GALNT18: variants seen among roughly 807,000 people sequenced by gnomAD.
The protein encoded by GALNT18 is polypeptide N-acetylgalactosaminyltransferase 18, also known as GalNAc-transferase 18.
GALNT18 carries 44 observed loss-of-function variants against 69.5 expected under a neutral mutation model. The observed-to-expected ratio is 0.63, with a 90% CI of 0.50 to 0.81. GALNT18 has a LOEUF of 0.81. Ranked by LOEUF, GALNT18 falls within the 40% of genes least tolerant of loss-of-function variation. GALNT18 has a pLI of 0.00. For synonymous variants in GALNT18, 364 were observed against 318.2 expected (o/e 1.14, Z -1.53); for missense variants, 715 against 810.0 (o/e 0.88, Z 1.42).
chr11:11,474,219 AGGAAGGAC>A (rs1856338298), intron 1 of GALNT18, among the ~76,000 whole-genome samples: 1 of 152,254 alleles, frequency 6.6e-6, no homozygotes, highest in South Asian at 2.1e-4. Context: ...CACAGGTCAT[AGGAAGGAC>A]CCATTTGAAG....
intron 1 of GALNT18, among the ~76,000 whole-genome samples, chr11:11,544,019 C>T (rs1006733690): frequency 2.6e-5 from 4 of 152,244 alleles, no homozygotes; most frequent in Admixed American, 2.0e-4. Context: ...TGCAATAGTG[C>T]GCACAAGGCT....
At position 11,454,167 on chromosome 11, in the gene GALNT18, G is replaced by A. The variant is rs1408652817; in HGVS notation, c.236-5231C>T. Reference sequence around the variant, plus strand: ...GGGGGCTGCAGTCCTGTGCCAGCAGGTAGGAGCACAAAGCCAGTGAAGGCA... The same window carrying A: ...GGGGGCTGCAGTCCTGTGCCAGCAGATAGGAGCACAAAGCCAGTGAAGGCA... On this transcript the variant is annotated intron_variant, in intron 1 of 10. Coordinates refer to ENST00000227756, the MANE Select transcript of GALNT18 (RefSeq NM_198516.3). This position sits in a 1 kb window ranked among gnomAD's most constrained non-coding sequence, Gnocchi z 4.2. Among the ~76,000 whole-genome samples, 3 of 152,214 alleles carry A rather than the reference G, an allele frequency of 2.0e-5. No homozygotes were observed. The highest frequency in any genetic ancestry group is 4.4e-5 in the Non-Finnish European group (3 of 68,036).
intron 1 of GALNT18, among the ~76,000 whole-genome samples, chr11:11,615,701 T>A (rs1434819977): frequency 6.6e-6 from 1 of 152,202 alleles, no homozygotes; most frequent in Non-Finnish European, 1.5e-5. Context: ...AAATATTTTA[T>A]AGAATGCCAA....
chr11:11,552,411 A>T (rs1858218994), intron 1 of GALNT18, among the ~76,000 whole-genome samples: 1 of 152,238 alleles, frequency 6.6e-6, no homozygotes, highest in South Asian at 2.1e-4. Context: ...CAAAAAGACC[A>T]AGAGCTTCTG....
At chr11:11,321,698 G>T (rs1371572458) in intron 9 of GALNT18, among the ~76,000 whole-genome samples, 2 of 152,206 alleles carry the variant, frequency 1.3e-5, no homozygotes, top group East Asian at 3.8e-4. Context: ...TGCCTCCCAG[G>T]TTCAAGTGAT....
In GALNT18 at chr11:11,562,503, C is replaced by T. The variant is rs191873227; in HGVS notation, c.235+58856G>A. Among the ~76,000 whole-genome samples, 2 of 152,206 alleles carry T rather than the reference C, an allele frequency of 1.3e-5. No homozygotes were observed. The highest frequency in any genetic ancestry group is 3.9e-4 in the East Asian group (2 of 5,190). ...GGGAGACATGATTCAACCCATAATA[C>T]TCCCCTAGACCCTGGACCTTCAAGT... On this transcript the variant is annotated intron_variant, in intron 1 of 10. Coordinates refer to ENST00000227756, the MANE Select transcript of GALNT18 (RefSeq NM_198516.3). This position sits in a 1 kb window ranked among gnomAD's most constrained non-coding sequence, Gnocchi z 4.1.
chr11:11,462,012 G>A (rs1293216956), intron 1 of GALNT18, among the ~76,000 whole-genome samples: 1 of 152,218 alleles, frequency 6.6e-6, no homozygotes, highest in African/African-American at 2.4e-5. Flanking sequence ...GGTCTTAAAG[G>A]GAAGCGGGGT....
chr11:11,497,806 T>A lies in GALNT18; in HGVS notation c.236-48870A>T, dbSNP rs1257732359. 6.6e-6 allele frequency among the ~76,000 whole-genome samples: 1 copy of A among 151,612 alleles called. No individual in the cohort carries two copies. The highest frequency in any genetic ancestry group is 1.5e-5 in the Non-Finnish European group (1 of 67,934). On this transcript the variant is annotated intron_variant, in intron 1 of 10. Coordinates refer to ENST00000227756, the MANE Select transcript of GALNT18 (RefSeq NM_198516.3). This position sits in a 1 kb window ranked among gnomAD's most constrained non-coding sequence, Gnocchi z 4.2. ...CATACACACAAACCATAAACACTAT[T>A]TCAACTTAAAATATTTCATGCTAAT...
chr11:11,290,574 C>T (rs75263045), intron 10 of GALNT18, among the ~76,000 whole-genome samples: 1,586 of 152,310 alleles, frequency 0.01, 32 homozygotes, highest in African/African-American at 0.035. Flanking sequence ...AGCCTGCTTT[C>T]GATGTCACAA....
rs973656871 is a variant in GALNT18, at chr11:11,436,740, T to A, written c.429-3953A>T. 1.3e-5 allele frequency among the ~76,000 whole-genome samples: 2 copies of A among 152,224 alleles called. No individual in the cohort carries two copies. Among genetic ancestry groups the A allele is most frequent in the Non-Finnish European group, 2.9e-5 (2 of 68,030 alleles). On this transcript the variant is annotated intron_variant, in intron 2 of 10. Coordinates refer to ENST00000227756, the MANE Select transcript of GALNT18 (RefSeq NM_198516.3). This position sits in a 1 kb window ranked among gnomAD's most constrained non-coding sequence, Gnocchi z 4.5. Reference sequence around the variant, plus strand: ...AGAAGAGCATATCAAGCAAGACATCTACATCCTTCCTGGTCATGCCATCCT... The same window carrying A: ...AGAAGAGCATATCAAGCAAGACATCAACATCCTTCCTGGTCATGCCATCCT...
chr11:11,340,708 A>T lies in GALNT18; in HGVS notation c.1278+111T>A. ...TTTGGGGTTGAGAGTCCATTCTTGC[A>T]TGGCAAACAGGACTCTGGCTGACCC... On this transcript the variant is annotated intron_variant, in intron 7 of 10. Coordinates refer to ENST00000227756, the MANE Select transcript of GALNT18 (RefSeq NM_198516.3). This position sits in a 1 kb window ranked among gnomAD's most constrained non-coding sequence, Gnocchi z 4.2. The T allele has an allele frequency of 1.9e-6, 2 of 1,033,274 alleles. No individual in the cohort carries two copies. The highest frequency in any genetic ancestry group is 2.8e-6 in the Non-Finnish European group (2 of 709,842). The allele number at this position is 1,033,274 out of a possible 1,614,324, so 64.0% of individuals were successfully genotyped here.
intron 3 of GALNT18, among the ~76,000 whole-genome samples, chr11:11,417,078 C>G (rs937012997): frequency 1.3e-5 from 2 of 152,244 alleles, no homozygotes; most frequent in African/African-American, 2.4e-5. Flanking sequence ...CAAGTTCCTT[C>G]CAATGTCTCA....
chr11:11,472,995 A>T (rs1856307020), intron 1 of GALNT18, among the ~76,000 whole-genome samples: 1 of 152,006 alleles, frequency 6.6e-6, no homozygotes, highest in African/African-American at 2.4e-5. Context: ...CTGTCTCAAA[A>T]AAATAAATAA....
chr11:11,561,131 CT>C (rs1858494371), intron 1 of GALNT18, among the ~76,000 whole-genome samples: 1 of 152,186 alleles, frequency 6.6e-6, no homozygotes, highest in Admixed American at 6.5e-5. Flanking sequence ...CATTAATCAT[CT>C]TTATTAAAAA....
At chr11:11,434,231 C>T (rs1256742419) in intron 2 of GALNT18, among the ~76,000 whole-genome samples, 1 of 152,092 alleles carries the variant, frequency 6.6e-6, no homozygotes, top group Admixed American at 6.5e-5. Flanking sequence ...TTCTCTCTCG[C>T]CAGAGAGGAA....
intron 3 of GALNT18, among the ~76,000 whole-genome samples, chr11:11,388,549 G>A (rs191450972): frequency 6.6e-6 from 1 of 152,316 alleles, no homozygotes; most frequent in African/African-American, 2.4e-5. Context: ...ACTGCCTGTG[G>A]TATAGATGCT....
chr11:11,493,700 A>G (rs1204158850), intron 1 of GALNT18, among the ~76,000 whole-genome samples: 1 of 152,178 alleles, frequency 6.6e-6, no homozygotes, highest in African/African-American at 2.4e-5. Context: ...CCAGTTGGTG[A>G]CTAGATAAGT....
chr11:11,407,986 T>C (rs1854630923), intron 3 of GALNT18, among the ~76,000 whole-genome samples: 1 of 152,204 alleles, frequency 6.6e-6, no homozygotes, highest in Admixed American at 6.5e-5. Context: ...GTCTAAGATG[T>C]AGCCCTCTCC....
chr11:11,592,263 C>T lies in GALNT18; in HGVS notation c.235+29096G>A, dbSNP rs778234703. ...AGACAGAAAAGCTTTAATCAATGCCCGGAAGTGAAATGCTAAGAAATTATA... is the reference window on the plus strand; with the variant it reads ...AGACAGAAAAGCTTTAATCAATGCCTGGAAGTGAAATGCTAAGAAATTATA... On this transcript the variant is annotated intron_variant, in intron 1 of 10. Transcript: ENST00000227756. This position sits in a 1 kb window ranked among gnomAD's most constrained non-coding sequence, Gnocchi z 5.9. Among the ~76,000 whole-genome samples the T allele has an allele frequency of 6.6e-6, 1 of 151,848 alleles. No individual in the cohort carries two copies. The highest frequency in any genetic ancestry group is 1.5e-5 in the Non-Finnish European group (1 of 67,986).
Sources: gnomAD v4.1 joint callset for allele counts (sites outside exome capture counted in the v4.1 genomes callset) on GRCh38, gnomAD v4.1.1 for gene constraint, Gnocchi (gnomAD v3.1) non-coding constraint, MANE v1.5 for transcripts, NCBI Gene and HGNC (gene_info 2026-07-23, HGNC 2026-07-21) for gene names.